The following CACNB4 variants were observed in gnomAD, a reference collection of about 807,000 sequenced individuals.
CACNB4 encodes voltage-dependent L-type calcium channel subunit beta-4.
Under a neutral mutation model 71.2 loss-of-function variants are expected in CACNB4, and 32 were observed. That is an observed-to-expected ratio of 0.45 (90% CI 0.34 to 0.60). The LOEUF is 0.60. Among genes scored for constraint, CACNB4 ranks in the 20% least tolerant of loss-of-function variants. The pLI is 0.01. For synonymous variants in CACNB4, 231 were observed against 236.9 expected (o/e 0.97, Z 0.23); for missense variants, 464 against 647.9 (o/e 0.72, Z 3.08).
chr2:151,934,772 G>A (rs1031918570), intron 2 of CACNB4, among the ~76,000 whole-genome samples: 6 of 152,142 alleles, frequency 3.9e-5, no homozygotes, highest in Non-Finnish European at 2.9e-5. Context: ...GGGAGGCGGA[G>A]GTTGCAGTAA....
At chr2:151,907,234 A>G (rs1010325092) in intron 2 of CACNB4, among the ~76,000 whole-genome samples, 2 of 152,194 alleles carry the variant, frequency 1.3e-5, no homozygotes, top group African/African-American at 4.8e-5. Context: ...GACCTAGATC[A>G]GCTAGCTATA....
chr2:152,033,247 G>A (rs2105200469), intron 2 of CACNB4, among the ~76,000 whole-genome samples: 1 of 152,324 alleles, frequency 6.6e-6, no homozygotes, highest in Non-Finnish European at 1.5e-5. Context: ...TTTACAAAAG[G>A]GCAGCTTTTG....
At chr2:152,047,130 G>C (rs536363738) in intron 2 of CACNB4, among the ~76,000 whole-genome samples, 1 of 152,166 alleles carries the variant, frequency 6.6e-6, no homozygotes, top group Non-Finnish European at 1.5e-5. Flanking sequence ...TAAAAATAGC[G>C]TAACAATAGT....
At chr2:152,067,391 G>GTT in intron 2 of CACNB4, among the ~76,000 whole-genome samples, 1 of 144,602 alleles carries the variant, frequency 6.9e-6, no homozygotes, top group African/African-American at 2.5e-5. Context: ...GTGTGTGTGG[G>GTT]GGGGGGGGTG....
At chr2:152,023,264 CA>C (rs1683775193) in intron 2 of CACNB4, among the ~76,000 whole-genome samples, 1 of 152,062 alleles carries the variant, frequency 6.6e-6, no homozygotes, top group Non-Finnish European at 1.5e-5. Context: ...AATCACCTCC[CA>C]CCAGGCCCTG....
intron 5 of CACNB4, chr2:151,873,163 C>CA (rs755567240): frequency 5.3e-5 from 8 of 152,150 alleles, no homozygotes; most frequent in Non-Finnish European, 1.0e-4. Flanking sequence ...TTGTACATCC[C>CA]TGTTTTGGAA....
chr2:152,043,622 G>GT (rs1224483057), intron 2 of CACNB4, among the ~76,000 whole-genome samples: 1 of 151,996 alleles, frequency 6.6e-6, no homozygotes. Flanking sequence ...GCTTGTCCCA[G>GT]TTTTTTTTAC....
At chr2:151,906,031 C>T (rs1019993953) in intron 2 of CACNB4, among the ~76,000 whole-genome samples, 2 of 152,204 alleles carry the variant, frequency 1.3e-5, no homozygotes, top group African/African-American at 2.4e-5. Flanking sequence ...TCTTTCTATA[C>T]ATGAGCACAT....
At chr2:151,997,007 G>A (rs1423140592) in intron 2 of CACNB4, among the ~76,000 whole-genome samples, 1 of 152,138 alleles carries the variant, frequency 6.6e-6, no homozygotes, top group Non-Finnish European at 1.5e-5. Flanking sequence ...CAGGGTATAA[G>A]GGCCAAGGGG....
rs1304319164 is a variant in CACNB4, at chr2:152,098,960, G to A, written c.52C>T (p.Pro18Ser). 2.6e-6 allele frequency: 4 copies of A among 1,525,118 alleles called. No individual in the cohort carries two copies. In the South Asian group the frequency reaches 5.0e-5, roughly 19 times the overall value. The allele number at this position is 1,525,118 out of a possible 1,614,324, so 94.5% of individuals were successfully genotyped here. Residue 18 changes from proline (P) to serine (S), a missense_variant, in exon 1 of 14, where the codon CCC becomes TCC. Around this residue, in one of 3 missense-constraint regions of CACNB4, gnomAD observed 50 missense variants for 47.5 expected, o/e 1.05. Transcript: ENST00000539935. This position sits in a 1 kb window ranked among gnomAD's most constrained non-coding sequence, Gnocchi z 5.3. ...KNGTADGPHS[P>S]TSQVARGTTT... ...GGAGGGGGCGGTACCTGCGAGGTGG[G>A]GGAGTGCGGCCCGTCCGCGGTCCCG...
intron 2 of CACNB4, among the ~76,000 whole-genome samples, chr2:152,057,643 C>T (rs1685791920): frequency 6.6e-6 from 1 of 152,152 alleles, no homozygotes; most frequent in African/African-American, 2.4e-5. Context: ...TATTCCATGA[C>T]ACCCATTTCA....
At chr2:152,006,416 T>C (rs981539537) in intron 2 of CACNB4, among the ~76,000 whole-genome samples, 16 of 151,138 alleles carry the variant, frequency 1.1e-4, no homozygotes, top group African/African-American at 3.9e-4. Context: ...TTTTTTTTTT[T>C]CTTTGAGATG....
At chr2:151,968,246 T>C (rs1468622436) in intron 2 of CACNB4, 1 of 151,916 alleles carries the variant, frequency 6.6e-6, no homozygotes, top group Admixed American at 6.6e-5. Context: ...AATGTATTTT[T>C]TCTAGTGTGG....
intron 2 of CACNB4, chr2:151,971,257 T>C (rs544679543): frequency 1.5e-5 from 8 of 548,012 alleles, no homozygotes; most frequent in South Asian, 6.7e-5. Context: ...AAATTGTCCC[T>C]AGGCAAGATG....
At chr2:152,013,304 C>T (rs1683162225) in intron 2 of CACNB4, among the ~76,000 whole-genome samples, 1 of 152,062 alleles carries the variant, frequency 6.6e-6, no homozygotes, top group Admixed American at 6.6e-5. Context: ...TATACACAGG[C>T]CATATGAGGA....
At chr2:151,909,817 T>A (rs1434580061) in intron 2 of CACNB4, among the ~76,000 whole-genome samples, 1 of 152,226 alleles carries the variant, frequency 6.6e-6, no homozygotes, top group African/African-American at 2.4e-5. Flanking sequence ...TTGATGGGCA[T>A]TTGGGTTGGT....
chr2:151,935,968 A>C (rs1196129411), intron 2 of CACNB4, among the ~76,000 whole-genome samples: 2 of 152,250 alleles, frequency 1.3e-5, no homozygotes, highest in African/African-American at 4.8e-5. Context: ...TCAAATTCCC[A>C]AACTAGTATA....
At chr2:151,966,808 A>G (rs7602165) in intron 2 of CACNB4, among the ~76,000 whole-genome samples, 71,981 of 151,926 alleles carry the variant, frequency 0.47, 20,232 homozygotes, top group Non-Finnish European at 0.64. Flanking sequence ...TGAAACTGTA[A>G]GTATATTCAT....
intron 3 of CACNB4, 57 bp downstream of exon 3, chr2:151,883,194 C>T: frequency 1.3e-6 from 2 of 1,575,178 alleles, no homozygotes; most frequent in South Asian, 1.1e-5. Flanking sequence ...GGAAGAGCAG[C>T]TGGTAGCCAC....
Sources: allele counts gnomAD v4.1 joint callset (sites outside exome capture counted in the v4.1 genomes callset), GRCh38; gene constraint gnomAD v4.1.1; regional missense constraint gnomAD v4.1.1; non-coding constraint Gnocchi (gnomAD v3.1); transcripts MANE v1.5; gene names NCBI Gene and HGNC (gene_info 2026-07-23, HGNC 2026-07-21).